The following DDAH1 variants were observed in gnomAD, a reference collection of about 807,000 sequenced individuals.
The protein encoded by DDAH1 is dimethylarginine dimethylaminohydrolase 1, also known as N(G),N(G)-dimethylarginine dimethylaminohydrolase 1.
In DDAH1, 19 loss-of-function variants were observed where a neutral mutation model predicts 28.8. The observed-to-expected ratio is 0.66, with a 90% CI of 0.46 to 0.97. The LOEUF (loss-of-function observed/expected upper bound fraction) is 0.97, where lower values mean the gene tolerates loss of function less well. DDAH1 is among the 50% of genes least tolerant of loss of function. The pLI is 0.00. For synonymous variants in DDAH1, 153 were observed against 154.4 expected (o/e 0.99, Z 0.07); for missense variants, 326 against 375.9 (o/e 0.87, Z 1.10).
At chr1:85,352,880 C>T (rs577257495) in intron 2 of DDAH1, among the ~76,000 whole-genome samples, 37 of 147,496 alleles carry the variant, frequency 2.5e-4, no homozygotes, top group Middle Eastern at 3.5e-3. Context: ...ATTATACTAC[C>T]TTTTTTTTTT....
intron 2 of DDAH1, among the ~76,000 whole-genome samples, chr1:85,353,695 G>GTTT (rs1649348920): frequency 6.6e-6 from 1 of 151,988 alleles, no homozygotes; most frequent in South Asian, 2.1e-4. Flanking sequence ...ATAAAAATAG[G>GTTT]TTTATAAATT....
intron 1 of DDAH1, among the ~76,000 whole-genome samples, chr1:85,535,906 C>T (rs1469636327): frequency 2.6e-5 from 4 of 152,296 alleles, no homozygotes; most frequent in African/African-American, 9.6e-5. Context: ...AGAAGACATA[C>T]AAACGGACAA....
intron 1 of DDAH1, among the ~76,000 whole-genome samples, chr1:85,371,808 T>C (rs1221582085): frequency 1.3e-5 from 2 of 152,212 alleles, no homozygotes; most frequent in African/African-American, 4.8e-5. Context: ...CATTAGTATA[T>C]CCTCAATGAT....
intron 1 of DDAH1, among the ~76,000 whole-genome samples, chr1:85,510,105 T>G (rs538971381): frequency 6.6e-6 from 1 of 152,056 alleles, no homozygotes; most frequent in African/African-American, 2.4e-5. Flanking sequence ...AAGAGAAAGG[T>G]CAAGTTACCC....
At chr1:85,444,547 A>C (rs1289425590) in intron 1 of DDAH1, among the ~76,000 whole-genome samples, 1 of 152,224 alleles carries the variant, frequency 6.6e-6, no homozygotes, top group Non-Finnish European at 1.5e-5. Context: ...AACCACAGGC[A>C]TCCTGACCTC....
At chr1:85,507,698 G>GT (rs949124877) in intron 1 of DDAH1, among the ~76,000 whole-genome samples, 2 of 152,016 alleles carry the variant, frequency 1.3e-5, no homozygotes, top group African/African-American at 4.8e-5. Context: ...AGTTTTAGCT[G>GT]TTTTTATCAA....
chr1:85,335,782 T>G (rs1416394676), intron 4 of DDAH1, among the ~76,000 whole-genome samples: 1 of 151,796 alleles, frequency 6.6e-6, no homozygotes, highest in African/African-American at 2.4e-5. Flanking sequence ...GGCAACATGG[T>G]GAAACCCTGT....
At chr1:85,478,393 G>T (rs968114019) in intron 2 of DDAH1, among the ~76,000 whole-genome samples, 4 of 152,208 alleles carry the variant, frequency 2.6e-5, no homozygotes, top group Non-Finnish European at 5.9e-5. Flanking sequence ...ATACAGGAAA[G>T]AAGTTTAATA....
intron 4 of DDAH1, among the ~76,000 whole-genome samples, chr1:85,348,971 C>A (rs1418238490): frequency 6.6e-6 from 1 of 152,112 alleles, no homozygotes; most frequent in African/African-American, 2.4e-5. Context: ...CCAGCTTAAA[C>A]CCTCTCATCT....
chr1:85,397,353 G>A (rs540293558), intron 1 of DDAH1, among the ~76,000 whole-genome samples: 1 of 152,264 alleles, frequency 6.6e-6, no homozygotes, highest in East Asian at 1.9e-4. Flanking sequence ...GATTGGGTAA[G>A]AATTTGTAGA....
intron 1 of DDAH1, among the ~76,000 whole-genome samples, chr1:85,427,723 AAG>A (rs1357942181): frequency 6.6e-6 from 1 of 152,240 alleles, no homozygotes; most frequent in Non-Finnish European, 1.5e-5. Context: ...GTAACAAAGA[AAG>A]AGAGAAAGAA....
intron 2 of DDAH1, among the ~76,000 whole-genome samples, chr1:85,490,205 A>G (rs918827467): frequency 6.6e-6 from 1 of 152,252 alleles, no homozygotes; most frequent in African/African-American, 2.4e-5. Flanking sequence ...AAGTGAGTTC[A>G]TGAAAATATA....
chr1:85,536,355 C>T (rs762905358), intron 1 of DDAH1, among the ~76,000 whole-genome samples: 9 of 151,930 alleles, frequency 5.9e-5, no homozygotes, highest in South Asian at 2.1e-4. Context: ...GAGATCGAGA[C>T]CATCCTGGCC....
intron 1 of DDAH1, among the ~76,000 whole-genome samples, chr1:85,540,947 G>A (rs377132854): frequency 5.3e-5 from 7 of 130,878 alleles, no homozygotes; most frequent in South Asian, 5.0e-4. Context: ...GTGAAAGAGC[G>A]AGACTCAGTA....
At chr1:85,543,629 A>G (rs1156387067) in intron 1 of DDAH1, among the ~76,000 whole-genome samples, 2 of 152,172 alleles carry the variant, frequency 1.3e-5, no homozygotes, top group Non-Finnish European at 2.9e-5. Context: ...AAAACTGGAC[A>G]ATGGCAGGCA....
At chr1:85,451,495 T>C (rs1267632632) in intron 1 of DDAH1, among the ~76,000 whole-genome samples, 1 of 152,106 alleles carries the variant, frequency 6.6e-6, no homozygotes, top group Non-Finnish European at 1.5e-5. Context: ...ATGATGAAAG[T>C]GATGCTGTAC....
intron 1 of DDAH1, among the ~76,000 whole-genome samples, chr1:85,532,519 A>G (rs1195137083): frequency 2.0e-5 from 3 of 152,040 alleles, no homozygotes; most frequent in African/African-American, 7.3e-5. Context: ...TTGCATGTTT[A>G]TTATGGACCA....
chr1:85,420,191 C>T (rs971264576), intron 1 of DDAH1, among the ~76,000 whole-genome samples: 2 of 152,082 alleles, frequency 1.3e-5, no homozygotes, highest in Non-Finnish European at 2.9e-5. Flanking sequence ...GGCCTCAGGG[C>T]CTGTGATGGG....
chr1:85,327,845 A>T (rs921986941), intron 4 of DDAH1, among the ~76,000 whole-genome samples: 1 of 152,250 alleles, frequency 6.6e-6, no homozygotes, highest in South Asian at 2.1e-4. Context: ...TTAAATGTGT[A>T]ATAAAAGTCG....
Sources: gnomAD v4.1 joint callset for allele counts (sites outside exome capture counted in the v4.1 genomes callset) on GRCh38, gnomAD v4.1.1 for gene constraint, MANE v1.5 for transcripts, NCBI Gene and HGNC (gene_info 2026-07-23, HGNC 2026-07-21) for gene names.